TTC39B: variants seen among roughly 807,000 people sequenced by gnomAD.
The protein encoded by TTC39B is tetratricopeptide repeat protein 39B.
TTC39B carries 92 observed loss-of-function variants against 96.6 expected under a neutral mutation model. That is an observed-to-expected ratio of 0.95 (90% CI 0.80 to 1.13). TTC39B has a LOEUF of 1.13. TTC39B is among the 50% of genes most tolerant of loss of function. The pLI is 0.00. For synonymous variants in TTC39B, 367 were observed against 299.4 expected (o/e 1.23, Z -2.33); for missense variants, 955 against 809.3 (o/e 1.18, Z -2.18).
intron 1 of TTC39B, among the ~76,000 whole-genome samples, chr9:15,284,244 G>C (rs1823873349): frequency 6.6e-6 from 1 of 152,200 alleles, no homozygotes; most frequent in African/African-American, 2.4e-5. Context: ...AATTTACAAG[G>C]TTGATAATAT....
rs144504287 is a variant in TTC39B, at chr9:15,270,672, C to T, written c.241-2724G>A. 4.2e-3 allele frequency among the ~76,000 whole-genome samples: 627 copies of T among 150,416 alleles called. 5 individuals carry two copies. The highest frequency in any genetic ancestry group is 0.015 in the African/African-American group (610 of 40,866). On this transcript the variant is annotated intron_variant, in intron 1 of 19. Coordinates refer to ENST00000512701, the Ensembl canonical transcript of TTC39B. ...GTGCACACCTGTAGTCCCAGCTACT[C>T]GAGAGGCTGAGGTAGAAGGATGGCT...
At chr9:15,243,885 C>G (rs536100909) in intron 2 of TTC39B, among the ~76,000 whole-genome samples, 1 of 152,134 alleles carries the variant, frequency 6.6e-6, no homozygotes, top group African/African-American at 2.4e-5. Context: ...GTCGCCCAGG[C>G]TGGAGTCTCT....
chr9:15,204,249 C>G (rs1429938974), intron 6 of TTC39B, among the ~76,000 whole-genome samples: 1 of 152,160 alleles, frequency 6.6e-6, no homozygotes, highest in African/African-American at 2.4e-5. Context: ...AAAACTTTGG[C>G]TGTGCGTGGT....
At position 15,190,769 on chromosome 9, in the gene TTC39B, A is replaced by G. The variant is rs113573257; in HGVS notation, c.997-107T>C. 4,640 of 893,994 alleles carry G rather than the reference A, an allele frequency of 5.2e-3. 148 individuals carry two copies. The African/African-American group carries it at 0.067, about 13-fold the overall frequency. The allele number at this position is 893,994 out of a possible 1,614,324, so 55.4% of individuals were successfully genotyped here. A position where few individuals can be genotyped will look rare whatever the true frequency, so the allele number is the denominator to read the frequency against. Reference sequence around the variant, plus strand: ...TAGGGGGGTTACAAGTACAGATTTCATATATTACGCTGTGGTGAAGTCTGG... The same window carrying G: ...TAGGGGGGTTACAAGTACAGATTTCGTATATTACGCTGTGGTGAAGTCTGG... On this transcript the variant is annotated intron_variant, in intron 10 of 19. Coordinates refer to ENST00000512701, the Ensembl canonical transcript of TTC39B.
exon 12 of TTC39B, chr9:15,189,735 T>A (rs769024554): frequency 6.2e-7 from 1 of 1,614,008 alleles, no homozygotes; most frequent in South Asian, 1.1e-5. Context: ...ATTTGGAAAC[T>A]GCTGGAGGAA....
chr9:15,216,607 T>C (rs116337406), intron 3 of TTC39B, among the ~76,000 whole-genome samples: 88 of 152,346 alleles, frequency 5.8e-4, no homozygotes, highest in African/African-American at 2.0e-3. Context: ...ATCTCTTGAA[T>C]TTATCCTGTC....
At chr9:15,301,436 G>C (rs961386036) in intron 1 of TTC39B, among the ~76,000 whole-genome samples, 12 of 152,206 alleles carry the variant, frequency 7.9e-5, no homozygotes, top group African/African-American at 2.2e-4. Context: ...CCTGCCAGGC[G>C]TTCAATGAAC....
At chr9:15,230,987 A>G (rs1586922680) in intron 2 of TTC39B, among the ~76,000 whole-genome samples, 3 of 39,080 alleles carry the variant, frequency 7.7e-5, no homozygotes, top group South Asian at 1.5e-3. Context: ...TCCATCTCAG[A>G]AAAAAAAAAA....
intron 6 of TTC39B, among the ~76,000 whole-genome samples, chr9:15,206,000 G>A (rs947529885): frequency 1.3e-5 from 2 of 152,172 alleles, no homozygotes; most frequent in African/African-American, 4.8e-5. Context: ...GGAAGCAACA[G>A]TGAGTCAGTC....
At chr9:15,297,757 G>A (rs190647198) in intron 1 of TTC39B, among the ~76,000 whole-genome samples, 33 of 152,146 alleles carry the variant, frequency 2.2e-4, no homozygotes, top group Non-Finnish European at 4.0e-4. Flanking sequence ...CCTTGCCAGG[G>A]AGCCACCTAA....
intron 3 of TTC39B, among the ~76,000 whole-genome samples, chr9:15,218,075 G>T (rs568097555): frequency 6.7e-6 from 1 of 150,254 alleles, no homozygotes; most frequent in Non-Finnish European, 1.5e-5. Context: ...GGGCATGGTG[G>T]CTCACACCTG....
intron 8 of TTC39B, among the ~76,000 whole-genome samples, chr9:15,198,556 A>G (rs141565849): frequency 8.2e-4 from 124 of 151,470 alleles, no homozygotes; most frequent in African/African-American, 2.7e-3. Context: ...GTCCAGTGCT[A>G]CAATATTAAC....
At position 15,304,069 on chromosome 9, in the gene TTC39B, T is replaced by A. The variant is rs1732058656; in HGVS notation, c.240+3015A>T. ...ATTGAATTAAATAATAAAATATAAATGATTTTCATTCAATTCTCAAATCCT... is the reference window on the plus strand; with the variant it reads ...ATTGAATTAAATAATAAAATATAAAAGATTTTCATTCAATTCTCAAATCCT... On this transcript the variant is annotated intron_variant, in intron 1 of 19. Transcript: ENST00000512701. Among the ~76,000 whole-genome samples the A allele has an allele frequency of 3.3e-5, 5 of 152,348 alleles. No individual in the cohort carries two copies. In the South Asian group the frequency reaches 1.0e-3, roughly 32 times the overall value.
chr9:15,303,579 C>T (rs955855749), intron 1 of TTC39B, among the ~76,000 whole-genome samples: 1 of 151,410 alleles, frequency 6.6e-6, no homozygotes, highest in African/African-American at 2.4e-5. Context: ...GGTCTCACTG[C>T]GTTACGCAGG....
At chr9:15,218,632 T>TAAAAAAAAAAAAAAAAAATATATATATA (rs545882970) in intron 3 of TTC39B, among the ~76,000 whole-genome samples, 3 of 105,152 alleles carry the variant, frequency 2.9e-5, no homozygotes, top group African/African-American at 1.1e-4. Flanking sequence ...TTAGTCTATT[T>TAAAAAAAAAAAAAAAAAATATATATATA]TAAATATATA....
chr9:15,291,956 G>A (rs572930790), intron 1 of TTC39B, among the ~76,000 whole-genome samples: 2 of 152,196 alleles, frequency 1.3e-5, no homozygotes, highest in African/African-American at 4.8e-5. Flanking sequence ...AATCAAATGG[G>A]AATTCTAATG....
intron 2 of TTC39B, among the ~76,000 whole-genome samples, chr9:15,254,313 T>A (rs1822670470): frequency 6.6e-6 from 1 of 152,170 alleles, no homozygotes; most frequent in Non-Finnish European, 1.5e-5. Context: ...TTTTTTTAAA[T>A]CTTTAAAAAG....
intron 3 of TTC39B, among the ~76,000 whole-genome samples, chr9:15,225,248 T>C (rs962766755): frequency 1.3e-5 from 2 of 152,156 alleles, no homozygotes; most frequent in South Asian, 2.1e-4. Flanking sequence ...ATATTTAATA[T>C]GATTCCAATT....
intron 2 of TTC39B, among the ~76,000 whole-genome samples, chr9:15,250,811 C>A (rs371583527): frequency 6.6e-6 from 1 of 152,200 alleles, no homozygotes; most frequent in African/African-American, 2.4e-5. Context: ...TGGTCGTTGA[C>A]TTCACAAATT....
Sources: allele counts gnomAD v4.1 joint callset (sites outside exome capture counted in the v4.1 genomes callset), GRCh38; gene constraint gnomAD v4.1.1; transcripts MANE v1.5; gene names NCBI Gene and HGNC (gene_info 2026-07-23, HGNC 2026-07-21).